Variants in PLAA observed in about 807,000 individuals in gnomAD.
The protein encoded by PLAA is phospholipase A-2-activating protein.
In PLAA, 48 loss-of-function variants were observed where a neutral mutation model predicts 84.1. The ratio of observed to expected loss-of-function variants is 0.57; its 90% CI spans 0.45 to 0.73. The LOEUF (loss-of-function observed/expected upper bound fraction) is 0.73. PLAA is among the 30% of genes least tolerant of loss of function. PLAA has a pLI of 0.00. For synonymous variants in PLAA, 392 were observed against 336.6 expected (o/e 1.16, Z -1.80); for missense variants, 903 against 954.7 (o/e 0.95, Z 0.71).
chr9:26,931,920 A>G (rs1196363361), intron 2 of PLAA, among the ~76,000 whole-genome samples: 1 of 152,136 alleles, frequency 6.6e-6, no homozygotes, highest in Admixed American at 6.5e-5. Context: ...CCCCATCTCT[A>G]CTAAAACTAC....
rs747956857 is a variant in PLAA, at chr9:26,946,978, C to A, written c.68G>T (p.Gly23Val). The A allele has an allele frequency of 6.3e-7, 1 of 1,592,704 alleles. No individual in the cohort carries two copies. Among genetic ancestry groups the A allele is most frequent in the Non-Finnish European group, 8.5e-7 (1 of 1,170,216 alleles). ...CGGCGGATAGGCGCAGCACACCAGG[C>A]CCCGTACGTCCAGCTCGTGGCCCCG... ...SLRGHELDVR[G>V]LVCCAYPPGA... is the part of the protein sequence containing the mutation. The change falls in exon 1 of 14, where the codon GGC becomes GTC. Residue 23 changes from glycine to valine, a missense_variant. Coordinates refer to ENST00000397292, the MANE Select transcript of PLAA (RefSeq NM_001031689.3).
At chr9:26,933,311 T>G (rs1159997593) in intron 2 of PLAA, among the ~76,000 whole-genome samples, 1 of 147,968 alleles carries the variant, frequency 6.8e-6, no homozygotes, top group Non-Finnish European at 1.5e-5. Context: ...GGTGGGCACC[T>G]GTAATCCCAG....
rs143357587 is a variant in PLAA, at chr9:26,926,069, TAC to T, written c.734-111_734-110del. 2.8e-3 allele frequency: 2,345 copies of T among 840,190 alleles called. 29 individuals carry two copies. The African/African-American group carries it at 0.034, about 12-fold the overall frequency. The allele number at this position is 840,190 out of a possible 1,614,324, so 52.0% of individuals were successfully genotyped here. A position where few individuals can be genotyped will look rare whatever the true frequency, so the allele number is the denominator to read the frequency against. ...TTTGAAACCCAGAGACTTTCAAAAT[TAC>T]AGTTTTAAATTTCATATGTTTGTCA... On this transcript the variant is annotated intron_variant, in intron 5 of 13. Coordinates refer to ENST00000397292, the MANE Select transcript of PLAA (RefSeq NM_001031689.3).
At chr9:26,927,284 C>A (rs1270666156) in intron 4 of PLAA, among the ~76,000 whole-genome samples, 4 of 151,794 alleles carry the variant, frequency 2.6e-5, no homozygotes, top group Non-Finnish European at 4.4e-5. Context: ...CCACTCCTGG[C>A]GAATTTTTTT....
At chr9:26,910,776 G>A (rs1462206229) in intron 11 of PLAA, among the ~76,000 whole-genome samples, 1 of 151,878 alleles carries the variant, frequency 6.6e-6, no homozygotes, top group Non-Finnish European at 1.5e-5. Context: ...TCCCACCTCA[G>A]CCTCCGAAAG....
intron 7 of PLAA, among the ~76,000 whole-genome samples, chr9:26,922,923 G>A (rs1226525765): frequency 2.0e-5 from 3 of 152,072 alleles, no homozygotes; most frequent in Non-Finnish European, 4.4e-5. Flanking sequence ...TGCCTTTTGA[G>A]TGTCTACTGT....
intron 2 of PLAA, among the ~76,000 whole-genome samples, chr9:26,930,329 C>A (rs546905181): frequency 6.6e-6 from 1 of 152,084 alleles, no homozygotes; most frequent in African/African-American, 2.4e-5. Context: ...TGGTCTCGAT[C>A]TCCTGACCTT....
intron 7 of PLAA, among the ~76,000 whole-genome samples, chr9:26,921,976 A>C (rs1404240314): frequency 6.6e-6 from 1 of 152,184 alleles, no homozygotes; most frequent in African/African-American, 2.4e-5. Context: ...TCCTTGACGG[A>C]ACATGCTCAA....
rs1338794635 is a variant in PLAA at position 26,926,576 on chromosome 9, A to G, written c.566-16T>C. Reference sequence around the variant, plus strand: ...TCTTCATGCCCTGCATTAAAAAACAATAATGCAAATCAATAAAACTGATAA... The same window carrying G: ...TCTTCATGCCCTGCATTAAAAAACAGTAATGCAAATCAATAAAACTGATAA... On this transcript the variant is annotated splice_polypyrimidine_tract_variant and intron_variant, in intron 4 of 13. Transcript: ENST00000397292. 6.2e-7 allele frequency: 1 copy of G among 1,600,244 alleles called. No homozygotes were observed. Among genetic ancestry groups the G allele is most frequent in the South Asian group, 1.1e-5 (1 of 89,860 alleles).
At chr9:26,926,215 T>C (rs1256758894) in intron 5 of PLAA, among the ~76,000 whole-genome samples, 178 bp downstream of exon 5, 2 of 152,198 alleles carry the variant, frequency 1.3e-5, no homozygotes, top group Admixed American at 1.3e-4. Context: ...AATATAAAGA[T>C]GGCCATACAA....
chr9:26,941,280 C>A (rs567045086), intron 1 of PLAA, among the ~76,000 whole-genome samples: 9 of 151,854 alleles, frequency 5.9e-5, no homozygotes, highest in Non-Finnish European at 1.2e-4. Context: ...AAAAGAAAAT[C>A]TTTGAATGGG....
At chr9:26,939,426 T>C (rs1251652570) in intron 1 of PLAA, among the ~76,000 whole-genome samples, 2 of 112,528 alleles carry the variant, frequency 1.8e-5, no homozygotes, top group East Asian at 5.0e-4. Flanking sequence ...TAAACAAACA[T>C]ATAAATAAAT....
At chr9:26,943,694 C>T (rs1263709122) in intron 1 of PLAA, among the ~76,000 whole-genome samples, 1 of 152,076 alleles carries the variant, frequency 6.6e-6, no homozygotes, top group Non-Finnish European at 1.5e-5. Flanking sequence ...CACCTTTAAT[C>T]CCAACACTTT....
chr9:26,942,095 T>C (rs765491278), intron 1 of PLAA, among the ~76,000 whole-genome samples: 12 of 152,196 alleles, frequency 7.9e-5, no homozygotes, highest in Non-Finnish European at 1.3e-4. Flanking sequence ...GCTACAACCA[T>C]TCAAATTATC....
chr9:26,917,562 G>T (rs1824601526), intron 9 of PLAA, among the ~76,000 whole-genome samples: 1 of 152,146 alleles, frequency 6.6e-6, no homozygotes, highest in Non-Finnish European at 1.5e-5. Flanking sequence ...GGCACTAAAT[G>T]TTAATCATTT....
chr9:26,907,318 A>G (rs548529130), intron 13 of PLAA, among the ~76,000 whole-genome samples: 7 of 152,244 alleles, frequency 4.6e-5, no homozygotes, highest in Admixed American at 1.3e-4. Context: ...TCACGAGGTC[A>G]GGAGATTGAG....
chr9:26,935,389 A>G (rs550824460), intron 1 of PLAA, among the ~76,000 whole-genome samples, 183 bp from the exon 2 acceptor site: 3 of 152,318 alleles, frequency 2.0e-5, no homozygotes, highest in Admixed American at 2.0e-4. Context: ...AGAGAATTAC[A>G]TGAGATAAAG....
At chr9:26,940,183 A>G (rs905525853) in intron 1 of PLAA, among the ~76,000 whole-genome samples, 1 of 152,256 alleles carries the variant, frequency 6.6e-6, no homozygotes, top group Non-Finnish European at 1.5e-5. Context: ...TGAAAGCAGG[A>G]TCTTAAAGAG....
In PLAA at chr9:26,905,356, A is replaced by T; in HGVS notation, c.*155T>A. On this transcript the variant is annotated 3_prime_UTR_variant, in exon 14 of 14. Coordinates refer to ENST00000397292, the MANE Select transcript of PLAA (RefSeq NM_001031689.3). Reference sequence around the variant, plus strand: ...AATCTCACAGTTCAGCAGTGCAAAAATTTTATTTCTGTTTCCCCTCCCCAC... The same window carrying T: ...AATCTCACAGTTCAGCAGTGCAAAATTTTTATTTCTGTTTCCCCTCCCCAC... The T allele has an allele frequency of 1.6e-6, 1 of 632,316 alleles. No individual in the cohort carries two copies. The highest frequency in any genetic ancestry group is 2.1e-5 in the South Asian group (1 of 47,312). The allele number at this position is 632,316 out of a possible 1,614,324, so 39.2% of individuals were successfully genotyped here. A position where few individuals can be genotyped will look rare whatever the true frequency, so the allele number is the denominator to read the frequency against.
Sources: gnomAD v4.1 joint callset for allele counts (sites outside exome capture counted in the v4.1 genomes callset) on GRCh38, gnomAD v4.1.1 for gene constraint, MANE v1.5 for transcripts, NCBI Gene and HGNC (gene_info 2026-07-23, HGNC 2026-07-21) for gene names.